Variants in COL24A1 observed in about 807,000 individuals in gnomAD.
The protein encoded by COL24A1 is collagen type XXIV alpha 1 chain.
Under a neutral mutation model 253.9 loss-of-function variants are expected in COL24A1, and 224 were observed. The ratio of observed to expected loss-of-function variants is 0.88; its 90% CI spans 0.79 to 0.99. COL24A1 has a LOEUF of 0.99. Ranked by LOEUF, COL24A1 falls within the 50% of genes least tolerant of loss-of-function variation. The pLI is 0.00. For synonymous variants in COL24A1, 685 were observed against 673.7 expected, an observed-to-expected ratio of 1.02 and a Z score of -0.26; for missense variants, 2,131 against 2,068.5, an observed-to-expected ratio of 1.03 and a Z score of -0.59.
chr1:86,004,095 T>G (rs1239956315), intron 19 of COL24A1, among the ~76,000 whole-genome samples: 1 of 152,170 alleles, frequency 6.6e-6, no homozygotes, highest in Admixed American at 6.5e-5. Flanking sequence ...CTGCTGCCTC[T>G]GAAAGTTCCA....
rs369128890 is a variant in COL24A1 at position 86,105,194 on chromosome 1, G to A, written c.1599+7373C>T. 2.2e-4 allele frequency among the ~76,000 whole-genome samples: 33 copies of A among 152,290 alleles called. No individual in the cohort carries two copies. In the East Asian group the frequency reaches 5.0e-3, roughly 23 times the overall value. On this transcript the variant is annotated intron_variant, in intron 5 of 59. Transcript: ENST00000370571. ...TACCAGGGCTCCAGCTGCAATAGCGGTATGGCAGAGGGAGGGGAGGTGGAG... is the reference window on the plus strand; with the variant it reads ...TACCAGGGCTCCAGCTGCAATAGCGATATGGCAGAGGGAGGGGAGGTGGAG...
chr1:86,058,800 T>G (rs1385124438), intron 9 of COL24A1, among the ~76,000 whole-genome samples: 1 of 152,130 alleles, frequency 6.6e-6, no homozygotes, highest in Non-Finnish European at 1.5e-5. Flanking sequence ...CTCTTACTAT[T>G]ACTTCATTTT....
intron 24 of COL24A1, among the ~76,000 whole-genome samples, chr1:85,932,708 T>C (rs373214998): frequency 3.7e-5 from 4 of 106,806 alleles, no homozygotes; most frequent in East Asian, 2.9e-4. Flanking sequence ...CAATGATAGA[T>C]TGGATTAAGA....
At chr1:85,921,436 C>G (rs1053172171) in intron 24 of COL24A1, among the ~76,000 whole-genome samples, 2 of 152,074 alleles carry the variant, frequency 1.3e-5, no homozygotes, top group Admixed American at 6.6e-5. Context: ...GCCAAGTATA[C>G]AGGCAGGTGC....
chr1:85,826,852 A>G (rs1057394235), intron 43 of COL24A1, among the ~76,000 whole-genome samples: 3 of 152,200 alleles, frequency 2.0e-5, no homozygotes, highest in African/African-American at 7.2e-5. Context: ...TTCTAGATAT[A>G]CAATCATGGC....
intron 43 of COL24A1, among the ~76,000 whole-genome samples, chr1:85,835,266 G>C (rs1675872728): frequency 6.6e-6 from 1 of 151,978 alleles, no homozygotes; most frequent in African/African-American, 2.4e-5. Flanking sequence ...CGAGTAGCTG[G>C]GACTACAGGC....
rs781445813 is a variant in COL24A1 at position 86,125,703 on chromosome 1, A to T, written c.633T>A (p.Asn211Lys). ...ATACTATTCCTTCAAAATGGATAGA[A>T]TTATTATTCATACTTCCTAAAGTAA... ...SVFTLGSMNNNSIHFEGIVCQ... is the reference protein window; with the variant it reads ...SVFTLGSMNNKSIHFEGIVCQ... The change falls in exon 3 of 60, where the codon AAT (asparagine) becomes AAA (lysine). Residue 211 changes from asparagine to lysine, a missense_variant. Transcript: ENST00000370571. 2 of 1,610,634 alleles carry T rather than the reference A, an allele frequency of 1.2e-6. No individual in the cohort carries two copies. The highest frequency in any genetic ancestry group is 1.7e-6 in the Non-Finnish European group (2 of 1,177,930).
intron 20 of COL24A1, among the ~76,000 whole-genome samples, chr1:85,984,365 C>T (rs999301685): frequency 6.6e-6 from 1 of 151,820 alleles, no homozygotes; most frequent in African/African-American, 2.4e-5. Context: ...CAGAGCACTT[C>T]ACCAACTCTT....
At chr1:85,787,519 A>G (rs1249439190) in intron 47 of COL24A1, among the ~76,000 whole-genome samples, 2 of 152,140 alleles carry the variant, frequency 1.3e-5, no homozygotes, top group African/African-American at 2.4e-5. Context: ...AGCTCCATCT[A>G]TATCCCTGCA....
rs1402089019 is a variant in COL24A1, at chr1:86,133,190, C to T, written c.122-6976G>A. Among the ~76,000 whole-genome samples the T allele has an allele frequency of 6.6e-5, 10 of 152,116 alleles. No individual in the cohort carries two copies. The East Asian group carries it at 9.7e-4, about 15-fold the overall frequency. On this transcript the variant is annotated intron_variant, in intron 2 of 59. Transcript: ENST00000370571. Reference sequence around the variant, plus strand: ...TGTATAAGAATGCTTGTGATTTTTGCACATTGATTTTGTATCCTGAGACTT... The same window carrying T: ...TGTATAAGAATGCTTGTGATTTTTGTACATTGATTTTGTATCCTGAGACTT...
At chr1:85,835,236 T>C (rs1228000442) in intron 43 of COL24A1, among the ~76,000 whole-genome samples, 4 of 151,818 alleles carry the variant, frequency 2.6e-5, no homozygotes, top group Non-Finnish European at 4.4e-5. Context: ...GGTTCAAGTG[T>C]TTCTCCTGCC....
At chr1:86,015,883 C>CTT (rs34005326) in intron 19 of COL24A1, among the ~76,000 whole-genome samples, 8 of 136,244 alleles carry the variant, frequency 5.9e-5, no homozygotes, top group Non-Finnish European at 8.0e-5. Context: ...TCTACTTTTT[C>CTT]TTTTTTTTTT....
intron 24 of COL24A1, among the ~76,000 whole-genome samples, chr1:85,919,675 T>C (rs12755099): frequency 0.23 from 35,188 of 152,062 alleles, 4,521 homozygotes; most frequent in African/African-American, 0.29. Flanking sequence ...AGTGAGACCC[T>C]GTCTCTTAAA....
intron 1 of COL24A1, among the ~76,000 whole-genome samples, chr1:86,148,919 C>G (rs999899114): frequency 6.6e-6 from 1 of 152,030 alleles, no homozygotes; most frequent in South Asian, 2.1e-4. Context: ...CCTGAGGAAT[C>G]GCCACACTGA....
At chr1:85,873,847 C>T (rs1219853224) in intron 35 of COL24A1, among the ~76,000 whole-genome samples, 1 of 148,720 alleles carries the variant, frequency 6.7e-6, no homozygotes, top group South Asian at 2.1e-4. Flanking sequence ...AAGACTAAGG[C>T]TCCGGTACAT....
chr1:85,926,417 C>G (rs1687226560), intron 24 of COL24A1, among the ~76,000 whole-genome samples: 1 of 152,134 alleles, frequency 6.6e-6, no homozygotes, highest in Non-Finnish European at 1.5e-5. Flanking sequence ...TGGAACCAAC[C>G]CAAATGTCCA....
In COL24A1 at chr1:85,935,324, G is replaced by C. The variant is rs183597412; in HGVS notation, c.2563-23891C>G. ...AAAGTTGACTATGCATAGGAACAAA[G>C]TGAACTGTCAATAGGAGAATACTGT... On this transcript the variant is annotated intron_variant, in intron 24 of 59. Coordinates refer to ENST00000370571, the MANE Select transcript of COL24A1 (RefSeq NM_152890.7). Among the ~76,000 whole-genome samples, 364 of 147,738 alleles carry C rather than the reference G, an allele frequency of 2.5e-3. 32 individuals carry two copies. Among genetic ancestry groups the C allele is most frequent in the Non-Finnish European group, 4.7e-3 (312 of 66,666 alleles).
intron 19 of COL24A1, among the ~76,000 whole-genome samples, chr1:85,993,055 C>T (rs1277822758): frequency 6.6e-6 from 1 of 152,028 alleles, no homozygotes; most frequent in Non-Finnish European, 1.5e-5. Context: ...TCACTAGAGG[C>T]TGGAGACTAA....
chr1:85,992,184 G>A (rs28480217), intron 19 of COL24A1, among the ~76,000 whole-genome samples: 70,599 of 151,360 alleles, frequency 0.47, 16,832 homozygotes, highest in East Asian at 0.61. Flanking sequence ...TTGGTTTTTC[G>A]TCCTTGCGAT....
Sources: gnomAD v4.1 joint callset for allele counts (sites outside exome capture counted in the v4.1 genomes callset) on GRCh38, gnomAD v4.1.1 for gene constraint, MANE v1.5 for transcripts, NCBI Gene and HGNC (gene_info 2026-07-23, HGNC 2026-07-21) for gene names.